The following EXTL3 variants were observed in gnomAD, a reference collection of about 807,000 sequenced individuals.
EXTL3 encodes exostosin-like 3.
Under a neutral mutation model 69.3 loss-of-function variants are expected in EXTL3, and 27 were observed. The observed-to-expected ratio is 0.39, with a 90% CI of 0.29 to 0.54. The LOEUF (loss-of-function observed/expected upper bound fraction) is 0.54, where lower values mean the gene tolerates loss of function less well. Among genes scored for constraint, EXTL3 ranks in the 20% least tolerant of loss-of-function variants. The pLI, the probability that EXTL3 is intolerant of heterozygous loss-of-function variation, is 0.69. For missense variants in EXTL3, 1,003 were observed against 1,231.8 expected (o/e 0.81, Z 2.78); for synonymous variants, 511 against 499.4 (o/e 1.02, Z -0.31).
intron 5 of EXTL3, among the ~76,000 whole-genome samples, chr8:28,737,925 C>T (rs113972826): frequency 0.035 from 5,252 of 150,944 alleles, 294 homozygotes; most frequent in African/African-American, 0.12. Context: ...GTTGGCTCTC[C>T]GTTTGTAAAA....
intron 1 of EXTL3, among the ~76,000 whole-genome samples, chr8:28,705,975 A>G (rs569774960): frequency 6.6e-6 from 1 of 152,350 alleles, no homozygotes; most frequent in Non-Finnish European, 1.5e-5. Flanking sequence ...AAATATATAC[A>G]TATGCATTTT....
At chr8:28,706,157 T>C (rs188910697) in intron 1 of EXTL3, among the ~76,000 whole-genome samples, 64 of 152,342 alleles carry the variant, frequency 4.2e-4, no homozygotes, top group Non-Finnish European at 8.1e-4. Flanking sequence ...ATTTAATTTA[T>C]ATATTTTATA....
upstream of EXTL3, among the ~76,000 whole-genome samples, chr8:28,618,490 C>G (rs1291192282): frequency 6.6e-6 from 1 of 152,006 alleles, no homozygotes; most frequent in Admixed American, 6.6e-5. Context: ...ATGAAGTCAC[C>G]CAGGGCTGGC....
chr8:28,678,388 G>C (rs1807423633), intron 1 of EXTL3, among the ~76,000 whole-genome samples: 1 of 152,194 alleles, frequency 6.6e-6, no homozygotes, highest in African/African-American at 2.4e-5. Flanking sequence ...AGAGATGCTT[G>C]GGTAATGGGG....
chr8:28,665,196 C>T (rs186882558), intron 1 of EXTL3, among the ~76,000 whole-genome samples: 4 of 150,402 alleles, frequency 2.7e-5, no homozygotes, highest in East Asian at 2.0e-4. Context: ...CTCAGCCTCC[C>T]GAGTAGCTGA....
At chr8:28,624,966 T>C (rs1169531818) in intron 1 of EXTL3, among the ~76,000 whole-genome samples, 1 of 152,168 alleles carries the variant, frequency 6.6e-6, no homozygotes, top group Non-Finnish European at 1.5e-5. Flanking sequence ...ACACGTTAGG[T>C]TAATTTAAAA....
chr8:28,627,201 TAAAAA>T (rs1008825286), intron 1 of EXTL3, among the ~76,000 whole-genome samples: 1 of 145,368 alleles, frequency 6.9e-6, no homozygotes, highest in East Asian at 2.1e-4. Context: ...AAAAAAAAAT[TAAAAA>T]AAATAAAAAA....
chr8:28,643,803 T>C (rs1806784943), intron 1 of EXTL3, among the ~76,000 whole-genome samples: 1 of 152,200 alleles, frequency 6.6e-6, no homozygotes, highest in South Asian at 2.1e-4. Flanking sequence ...TCTTGCCTTG[T>C]CACCCAAGCT....
At chr8:28,723,121 T>G (rs1245672738) in intron 3 of EXTL3, among the ~76,000 whole-genome samples, 5 of 152,306 alleles carry the variant, frequency 3.3e-5, no homozygotes, top group Middle Eastern at 3.4e-3. Context: ...AGCTGTATTT[T>G]TTTATTTCTG....
chr8:28,709,407 C>G (rs572280109), intron 1 of EXTL3, among the ~76,000 whole-genome samples: 1 of 152,162 alleles, frequency 6.6e-6, no homozygotes, highest in Non-Finnish European at 1.5e-5. Flanking sequence ...TAGCCTCTCT[C>G]TCTGTTTCTC....
chr8:28,727,376 C>T (rs1020731659), intron 3 of EXTL3, among the ~76,000 whole-genome samples: 2 of 152,088 alleles, frequency 1.3e-5, no homozygotes, highest in Admixed American at 6.6e-5. Context: ...AATAAACTTA[C>T]TAAAAAAAAC....
At chr8:28,719,981 C>T (rs1415489747) in intron 3 of EXTL3, among the ~76,000 whole-genome samples, 1 of 152,172 alleles carries the variant, frequency 6.6e-6, no homozygotes, top group Non-Finnish European at 1.5e-5. Context: ...ATGCCAGAAA[C>T]TTTACAGATA....
chr8:28,746,707 C>T (rs1403839054), intron 6 of EXTL3, among the ~76,000 whole-genome samples: 7 of 152,014 alleles, frequency 4.6e-5, no homozygotes, highest in African/African-American at 7.2e-5. Context: ...GATGGAGTCT[C>T]GCTCTTTTGC....
chr8:28,720,311 A>G (rs1801268789), intron 3 of EXTL3, among the ~76,000 whole-genome samples: 1 of 152,128 alleles, frequency 6.6e-6, no homozygotes, highest in Non-Finnish European at 1.5e-5. Flanking sequence ...AATTTTTATA[A>G]ATTTAGCACC....
intron 1 of EXTL3, among the ~76,000 whole-genome samples, chr8:28,679,368 C>T (rs1807442375): frequency 6.6e-6 from 1 of 152,132 alleles, no homozygotes; most frequent in Admixed American, 6.5e-5. Flanking sequence ...ATCGCTTGAA[C>T]CTGGGAGGCA....
At chr8:28,718,289 G>C (rs1345820062) in intron 3 of EXTL3, 82 bp downstream of exon 3, 5 of 1,386,126 alleles carry the variant, frequency 3.6e-6, no homozygotes, top group Non-Finnish European at 5.1e-6. Context: ...CTTCACTTTA[G>C]CAATCGTAAC....
intron 3 of EXTL3, among the ~76,000 whole-genome samples, chr8:28,722,179 G>A (rs550800108): frequency 1.3e-5 from 2 of 152,264 alleles, no homozygotes; most frequent in Admixed American, 6.5e-5. Flanking sequence ...TCCGGGTGGC[G>A]CGTTTGAAGG....
chr8:28,640,275 C>A (rs1806722073), intron 1 of EXTL3, among the ~76,000 whole-genome samples: 1 of 152,128 alleles, frequency 6.6e-6, no homozygotes, highest in South Asian at 2.1e-4. Flanking sequence ...CAATTCTCTT[C>A]TAGATTTTAG....
At chr8:28,668,863 C>CTATTTTTTT (rs1563442051) in intron 1 of EXTL3, among the ~76,000 whole-genome samples, 1 of 37,524 alleles carries the variant, frequency 2.7e-5, no homozygotes, top group Non-Finnish European at 4.6e-5. Flanking sequence ...TTGATAGAAT[C>CTATTTTTTT]TCTTTTTTTT....
Sources: allele counts gnomAD v4.1 joint callset (sites outside exome capture counted in the v4.1 genomes callset), GRCh38; gene constraint gnomAD v4.1.1; transcripts MANE v1.5; gene names NCBI Gene and HGNC (gene_info 2026-07-23, HGNC 2026-07-21).